RB1CC1: variants seen among roughly 807,000 people sequenced by gnomAD.
The protein encoded by RB1CC1 is RB1-inducible coiled-coil protein 1.
In RB1CC1, 46 loss-of-function variants were observed where a neutral mutation model predicts 177.5. The ratio of observed to expected loss-of-function variants is 0.26; its 90% CI spans 0.20 to 0.33. The LOEUF is 0.33. RB1CC1 is among the 10% of genes least tolerant of loss of function. RB1CC1 has a pLI of 1.00. For synonymous variants in RB1CC1, 666 were observed against 613.6 expected (o/e 1.09, Z -1.26); for missense variants, 1,703 against 1,816.3 (o/e 0.94, Z 1.13).
Position 52,645,862 on chromosome 8 carries a change from G to C in RB1CC1, c.3827C>G (p.Ala1276Gly). ...AGAATCTCCTCTGGTAGAGTCAATG[G>C]CAGGACTTACAAATTAAATACAGCA... ...HLENQIAKSP[A>G]IDSTRGDSSS... The change falls in exon 16 of 24, where the codon GCC (alanine) becomes GGC (glycine). Residue 1276 changes from alanine to glycine, a missense_variant. Ala to Gly is a moderately conservative substitution (Grantham distance 60). Transcript: ENST00000025008. 1 of 1,586,512 alleles carries C rather than the reference G, an allele frequency of 6.3e-7. No individual in the cohort carries two copies. Among genetic ancestry groups the C allele is most frequent in the Non-Finnish European group, 8.5e-7 (1 of 1,172,778 alleles).
intron 1 of RB1CC1, among the ~76,000 whole-genome samples, chr8:52,708,441 C>CA (rs1170707946): frequency 6.6e-6 from 1 of 152,116 alleles, no homozygotes; most frequent in Non-Finnish European, 1.5e-5. Context: ...GGCGTGAACC[C>CA]AGGAGGCGGA....
In RB1CC1 at chr8:52,623,484, C is replaced by T; in HGVS notation, c.*298G>A. 3 of 385,882 alleles carry T rather than the reference C, an allele frequency of 7.8e-6. No individual in the cohort carries two copies. The highest frequency in any genetic ancestry group is 6.4e-5 in the South Asian group (3 of 46,684). The allele number at this position is 385,882 out of a possible 1,614,324, so 23.9% of individuals were successfully genotyped here. ...GCAATTAATATGGCTCATCATAAGC[C>T]ACAATGCACAAGGTATGCCCTTTGA... On this transcript the variant is annotated 3_prime_UTR_variant, in exon 24 of 24. Coordinates refer to ENST00000025008, the MANE Select transcript of RB1CC1 (RefSeq NM_014781.5).
At chr8:52,627,201 G>A (rs1368562138) in intron 22 of RB1CC1, among the ~76,000 whole-genome samples, 1 of 152,104 alleles carries the variant, frequency 6.6e-6, no homozygotes, top group African/African-American at 2.4e-5. Flanking sequence ...ACAAAAATTA[G>A]CTGGGCGTGG....
chr8:52,677,393 G>A (rs893138439), intron 5 of RB1CC1, among the ~76,000 whole-genome samples: 10 of 152,124 alleles, frequency 6.6e-5, no homozygotes, highest in African/African-American at 2.4e-4. Context: ...AAGCACTATT[G>A]GTTAAGAACA....
intron 12 of RB1CC1, among the ~76,000 whole-genome samples, chr8:52,660,097 T>C (rs1465545053): frequency 6.6e-6 from 1 of 152,234 alleles, no homozygotes; most frequent in African/African-American, 2.4e-5. Flanking sequence ...ATACAATTAA[T>C]GACCCCAGAT....
In RB1CC1 at chr8:52,642,831, T is replaced by C. The variant is rs568087344; in HGVS notation, c.3988-19A>G. 1 of 1,506,156 alleles carries C rather than the reference T, an allele frequency of 6.6e-7. No individual in the cohort carries two copies. Among genetic ancestry groups the C allele is most frequent in the East Asian group, 2.3e-5 (1 of 43,166 alleles). 93.3% of individuals were successfully genotyped at this position (1,506,156 alleles called of 1,614,324 possible). ...AATTGGTCTGGAACAAGAGAATAAT[T>C]ATTTAAATTTATCTACATGTACTTA... On this transcript the variant is annotated intron_variant, in intron 16 of 23. Transcript: ENST00000025008.
intron 1 of RB1CC1, among the ~76,000 whole-genome samples, chr8:52,712,017 T>C (rs559617253): frequency 7.2e-5 from 11 of 152,308 alleles, no homozygotes; most frequent in African/African-American, 1.7e-4. Flanking sequence ...CTGGCCAACA[T>C]GGTAAAACCC....
intron 15 of RB1CC1, among the ~76,000 whole-genome samples, chr8:52,652,626 T>C (rs1850704365): frequency 6.6e-6 from 1 of 152,178 alleles, no homozygotes; most frequent in Non-Finnish European, 1.5e-5. Context: ...AAAAAGATAC[T>C]GTGACAGAAG....
intron 1 of RB1CC1, among the ~76,000 whole-genome samples, chr8:52,692,212 A>T (rs1473986362): frequency 6.6e-6 from 1 of 152,202 alleles, no homozygotes; most frequent in African/African-American, 2.4e-5. Flanking sequence ...TAACTTTGGG[A>T]ATAAAATACA....
chr8:52,629,408 TTATTA>T (rs1848608072), intron 21 of RB1CC1, among the ~76,000 whole-genome samples: 1 of 152,004 alleles, frequency 6.6e-6, no homozygotes, highest in Non-Finnish European at 1.5e-5. Flanking sequence ...TGCAGGAAAA[TTATTA>T]AACCATTCAA....
At chr8:52,632,031 T>C (rs1848802691) in intron 20 of RB1CC1, among the ~76,000 whole-genome samples, 2 of 152,164 alleles carry the variant, frequency 1.3e-5, no homozygotes. Flanking sequence ...CACGAAACAA[T>C]GAATTTTGTG....
At chr8:52,682,244 C>T (rs914038075) in intron 5 of RB1CC1, among the ~76,000 whole-genome samples, 5 of 152,130 alleles carry the variant, frequency 3.3e-5, no homozygotes, top group East Asian at 1.9e-4. Context: ...TGCTGGATTT[C>T]GAACTTGCAT....
At chr8:52,678,405 G>A (rs1268465186) in intron 5 of RB1CC1, among the ~76,000 whole-genome samples, 1 of 152,090 alleles carries the variant, frequency 6.6e-6, no homozygotes, top group Non-Finnish European at 1.5e-5. Flanking sequence ...TGGCAAGAGC[G>A]AAAACTCCAA....
chr8:52,713,670 T>C (rs1695077148), intron 1 of RB1CC1, among the ~76,000 whole-genome samples: 1 of 152,272 alleles, frequency 6.6e-6, no homozygotes, highest in African/African-American at 2.4e-5. Flanking sequence ...TGAGCACAAG[T>C]CAAGATGCGT....
At chr8:52,658,650 A>C (rs10101732) in intron 13 of RB1CC1, among the ~76,000 whole-genome samples, 3 of 152,046 alleles carry the variant, frequency 2.0e-5, no homozygotes, top group Non-Finnish European at 4.4e-5. Flanking sequence ...AACTACTAGA[A>C]AAAAATAATT....
intron 20 of RB1CC1, among the ~76,000 whole-genome samples, chr8:52,632,657 G>A (rs554815101): frequency 6.6e-6 from 1 of 152,186 alleles, no homozygotes; most frequent in South Asian, 2.1e-4. Flanking sequence ...GATGCTCTCT[G>A]GGTCTGAAAG....
chr8:52,676,715 T>C, intron 5 of RB1CC1, 144 bp from the exon 6 acceptor site: 1 of 754,040 alleles, frequency 1.3e-6, no homozygotes, highest in East Asian at 2.7e-5. Flanking sequence ...TTAGTTTATC[T>C]CTGTTCTCTT....
chr8:52,707,478 C>T (rs1462973004), intron 1 of RB1CC1, among the ~76,000 whole-genome samples: 1 of 145,418 alleles, frequency 6.9e-6, no homozygotes, highest in Non-Finnish European at 1.5e-5. Context: ...GACAATGGAC[C>T]AGGCTTCAGT....
chr8:52,627,429 T>C (rs1236669274), intron 22 of RB1CC1, among the ~76,000 whole-genome samples: 2 of 152,202 alleles, frequency 1.3e-5, no homozygotes, highest in Non-Finnish European at 2.9e-5. Flanking sequence ...GGAACATCAA[T>C]CTAAATGGAC....
Sources: gnomAD v4.1 joint callset for allele counts (sites outside exome capture counted in the v4.1 genomes callset) on GRCh38, gnomAD v4.1.1 for gene constraint, MANE v1.5 for transcripts, NCBI Gene and HGNC (gene_info 2026-07-23, HGNC 2026-07-21) for gene names.